Variants in VTI1A observed in about 807,000 individuals in gnomAD.
The protein encoded by VTI1A is vesicle transport through interaction with t-SNAREs 1A.
Under a neutral mutation model 34.9 loss-of-function variants are expected in VTI1A, and 22 were observed. The ratio of observed to expected loss-of-function variants is 0.63; its 90% confidence interval spans 0.45 to 0.90. The LOEUF (loss-of-function observed/expected upper bound fraction) is 0.90, where lower values mean the gene tolerates loss of function less well. Ranked by LOEUF, VTI1A falls within the 40% of genes least tolerant of loss-of-function variation. The pLI is 0.00. For missense variants in VTI1A, 268 were observed against 275.6 expected (o/e 0.97, Z 0.20); for synonymous variants, 87 against 97.3 (o/e 0.89, Z 0.62).
chr10:112,622,756 G>C (rs1845781305), intron 5 of VTI1A, among the ~76,000 whole-genome samples: 1 of 152,096 alleles, frequency 6.6e-6, no homozygotes, highest in Non-Finnish European at 1.5e-5. Flanking sequence ...TTCCAGTATT[G>C]GTTTAAAAAT....
intron 3 of VTI1A, among the ~76,000 whole-genome samples, chr10:112,506,993 T>A (rs2134169170): frequency 6.6e-6 from 1 of 152,026 alleles, no homozygotes; most frequent in East Asian, 1.9e-4. Flanking sequence ...GAATTTTTGA[T>A]TGTGTCAAGT....
At chr10:112,732,558 A>G (rs1850303077) in intron 7 of VTI1A, among the ~76,000 whole-genome samples, 1 of 152,176 alleles carries the variant, frequency 6.6e-6, no homozygotes, top group Admixed American at 6.5e-5. Context: ...TTTCTTTGCA[A>G]TGTTCTTCAT....
At chr10:112,467,873 G>A (rs994929293) in intron 3 of VTI1A, among the ~76,000 whole-genome samples, 11 of 152,188 alleles carry the variant, frequency 7.2e-5, no homozygotes, top group African/African-American at 1.9e-4. Context: ...GGCACTGTCC[G>A]AGGTGCTAGA....
rs553437499 is a variant in VTI1A, at chr10:112,772,162, C to T, written c.561-43128C>T. Among the ~76,000 whole-genome samples the T allele has an allele frequency of 5.9e-5, 9 of 152,280 alleles. No homozygotes were observed. In the South Asian group the frequency reaches 1.5e-3, roughly 25 times the overall value. On this transcript the variant is annotated intron_variant, in intron 7 of 7. Transcript: ENST00000393077. ...CAAAGCAGCTGTACTATTTTATATTCCCACCAGCACAATATAAAGGTTTTG... is the reference window on the plus strand; with the variant it reads ...CAAAGCAGCTGTACTATTTTATATTTCCACCAGCACAATATAAAGGTTTTG...
chr10:112,781,867 A>G (rs753038962), intron 7 of VTI1A, among the ~76,000 whole-genome samples: 8 of 151,974 alleles, frequency 5.3e-5, no homozygotes, highest in Non-Finnish European at 1.0e-4. Flanking sequence ...AAGTAAATAA[A>G]TGAGACTTTG....
intron 7 of VTI1A, among the ~76,000 whole-genome samples, chr10:112,751,382 A>T (rs936635265): frequency 2.6e-5 from 4 of 151,336 alleles, no homozygotes; most frequent in Non-Finnish European, 5.9e-5. Context: ...CACATCTGGC[A>T]TGGCCAGGCA....
At chr10:112,544,672 T>C (rs541566263) in intron 5 of VTI1A, among the ~76,000 whole-genome samples, 1 of 150,208 alleles carries the variant, frequency 6.7e-6, no homozygotes, top group East Asian at 1.9e-4. Flanking sequence ...CATTGGCTAG[T>C]CAGGAAGGAT....
At chr10:112,837,310 G>A in the VTI1A span, among the ~76,000 whole-genome samples, 1 of 152,158 alleles carries the variant, frequency 6.6e-6, no homozygotes, top group Non-Finnish European at 1.5e-5. Flanking sequence ...CTAGGTGACA[G>A]TGTGAGACAA....
intron 7 of VTI1A, among the ~76,000 whole-genome samples, chr10:112,790,446 A>G (rs550839845): frequency 6.6e-6 from 1 of 152,294 alleles, no homozygotes; most frequent in South Asian, 2.1e-4. Flanking sequence ...GGATCTCCCC[A>G]TCACATTTTT....
intron 7 of VTI1A, among the ~76,000 whole-genome samples, chr10:112,791,680 A>G (rs1454939003): frequency 1.3e-5 from 2 of 152,190 alleles, no homozygotes; most frequent in Non-Finnish European, 2.9e-5. Context: ...CTTGTTTTAT[A>G]CATTTCCACA....
chr10:112,622,623 C>T (rs1489520981), intron 5 of VTI1A, among the ~76,000 whole-genome samples: 3 of 152,108 alleles, frequency 2.0e-5, no homozygotes, highest in Non-Finnish European at 4.4e-5. Context: ...ATCATCAATT[C>T]CTATAATTTA....
chr10:112,454,419 G>A (rs1435863909), intron 1 of VTI1A, among the ~76,000 whole-genome samples: 1 of 152,046 alleles, frequency 6.6e-6, no homozygotes. Flanking sequence ...ACATAGTGAA[G>A]CCCCATCTCT....
chr10:112,616,247 C>T (rs1355523539), intron 5 of VTI1A, among the ~76,000 whole-genome samples: 1 of 152,094 alleles, frequency 6.6e-6, no homozygotes, highest in South Asian at 2.1e-4. Flanking sequence ...ACCAGCACTG[C>T]AATCAGGAAT....
At chr10:112,823,180 G>A (rs1345685699), downstream of VTI1A, among the ~76,000 whole-genome samples, 3 of 152,218 alleles carry the variant, frequency 2.0e-5, no homozygotes, top group Admixed American at 2.0e-4. Context: ...GCCCCGCTGA[G>A]GCTGAGTAGG....
chr10:112,851,359 T>C, the VTI1A span, among the ~76,000 whole-genome samples: 2 of 152,230 alleles, frequency 1.3e-5, no homozygotes, highest in Non-Finnish European at 2.9e-5. Flanking sequence ...CATGGCACAT[T>C]GACATGATAT....
At chr10:112,449,767 T>G (rs1847163104) in intron 1 of VTI1A, 1 of 151,368 alleles carries the variant, frequency 6.6e-6, no homozygotes, top group Non-Finnish European at 1.5e-5. Flanking sequence ...ATAAATAAAT[T>G]AAAAAAAAAC....
intron 7 of VTI1A, among the ~76,000 whole-genome samples, chr10:112,712,546 C>T (rs1849462527): frequency 6.6e-6 from 1 of 150,984 alleles, no homozygotes; most frequent in South Asian, 2.1e-4. Context: ...ACGTTTACTC[C>T]AGAGGGGGAA....
intron 3 of VTI1A, among the ~76,000 whole-genome samples, chr10:112,510,068 A>G (rs1207636598): frequency 6.6e-6 from 1 of 152,234 alleles, no homozygotes; most frequent in Non-Finnish European, 1.5e-5. Context: ...GTCCAGTGCT[A>G]TCACAGTCAA....
intron 5 of VTI1A, among the ~76,000 whole-genome samples, chr10:112,653,528 C>T (rs988258937): frequency 1.3e-5 from 2 of 152,158 alleles, no homozygotes; most frequent in Non-Finnish European, 2.9e-5. Flanking sequence ...GAATACTGGC[C>T]AACCTTGGGC....
Sources: gnomAD v4.1 joint callset for allele counts (sites outside exome capture counted in the v4.1 genomes callset) on GRCh38, gnomAD v4.1.1 for gene constraint, MANE v1.5 for transcripts, NCBI Gene and HGNC (gene_info 2026-07-23, HGNC 2026-07-21) for gene names.